Variants in SIGLEC1 observed in about 807,000 individuals in gnomAD.
The protein encoded by SIGLEC1 is sialoadhesin.
SIGLEC1 carries 132 observed loss-of-function variants against 148.0 expected under a neutral mutation model. The ratio of observed to expected loss-of-function variants is 0.89; its 90% CI spans 0.77 to 1.03. The LOEUF (loss-of-function observed/expected upper bound fraction) is 1.03. SIGLEC1 is among the 50% of genes least tolerant of loss of function. The pLI is 0.00. For synonymous variants in SIGLEC1, 945 were observed against 969.0 expected (o/e 0.98, Z 0.46); for missense variants, 2,253 against 2,271.4 (o/e 0.99, Z 0.16).
Position 3,710,989 on chromosome 20 carries a change from GC to G in SIGLEC1, c.-110+1480del, listed in dbSNP as rs1247545457. Among the ~76,000 whole-genome samples, 1 of 152,234 alleles carries G rather than the reference GC, an allele frequency of 6.6e-6. No individual in the cohort carries two copies. The highest frequency in any genetic ancestry group is 1.5e-5 in the Non-Finnish European group (1 of 68,044). ...AGGAGATCTCTGTCCCTGTTTGAAA[GC>G]CTGGAGTTGAGGGGACAGTGCCCCG... is the stretch of plus-strand genomic sequence containing the variant. On this transcript the variant is annotated intron_variant, in intron 1 of 21. Transcript: ENST00000344754. The surrounding 1 kb of genome is among the most constrained non-coding windows in gnomAD (Gnocchi z 4.6).
chr20:3,708,484 G>A (rs868560045), intron 1 of SIGLEC1, among the ~76,000 whole-genome samples: 1 of 152,170 alleles, frequency 6.6e-6, no homozygotes, highest in Non-Finnish European at 1.5e-5. Context: ...TTTAAAACTT[G>A]GCCAGACACA....
chr20:3,700,283 A>C (rs1378870667), intron 7 of SIGLEC1, among the ~76,000 whole-genome samples: 1 of 151,040 alleles, frequency 6.6e-6, no homozygotes, highest in Admixed American at 6.6e-5. Context: ...ACACCCGGCT[A>C]ATTTTTGTAT....
At position 3,703,212 on chromosome 20, in the gene SIGLEC1, T is replaced by C; in HGVS notation, c.1213A>G (p.Ser405Gly). The change falls in exon 6 of 22, where the codon AGC becomes GGC. Residue 405 changes from serine (S) to glycine (G), a missense_variant. Physicochemically the swap from Ser to Gly is moderately conservative, Grantham distance 56. Transcript: ENST00000344754. ...GGCCTCTTACGGTTGACTACCACGC[T>C]GACAGGGCCCGAGCGCTCGCTGCCA... ...VHGSERSGPV[S>G]VVVNHPPLTP... The C allele has an allele frequency of 6.2e-7, 1 of 1,614,008 alleles. No individual in the cohort carries two copies. The highest frequency in any genetic ancestry group is 8.5e-7 in the Non-Finnish European group (1 of 1,180,006).
intron 8 of SIGLEC1, among the ~76,000 whole-genome samples, chr20:3,698,469 G>A (rs1185519165): frequency 3.9e-5 from 6 of 152,212 alleles, no homozygotes; most frequent in Non-Finnish European, 8.8e-5. Flanking sequence ...AGCAATCCCT[G>A]GGGGTCATGC....
intron 9 of SIGLEC1, among the ~76,000 whole-genome samples, chr20:3,697,549 A>G (rs1229286017): frequency 6.6e-6 from 1 of 152,080 alleles, no homozygotes; most frequent in Non-Finnish European, 1.5e-5. Flanking sequence ...CAGTACAGGG[A>G]AGGAGGACAA....
rs1452520921 is a variant in SIGLEC1, at chr20:3,710,050, C to T, written c.-110+2420G>A. Among the ~76,000 whole-genome samples, 2 of 152,200 alleles carry T rather than the reference C, an allele frequency of 1.3e-5. No homozygotes were observed. Among genetic ancestry groups the T allele is most frequent in the Non-Finnish European group, 2.9e-5 (2 of 68,046 alleles). ...AAGACAGTTAAAACAGTAAATTTTA[C>T]ATTATGTATATTTCACCACATACAC... On this transcript the variant is annotated intron_variant, in intron 1 of 21. Transcript: ENST00000344754. The surrounding 1 kb of genome is among the most constrained non-coding windows in gnomAD (Gnocchi z 4.6).
intron 7 of SIGLEC1, 75 bp from the exon 8 acceptor site, chr20:3,699,534 AG>A (rs1368044360): frequency 3.1e-5 from 48 of 1,531,198 alleles, no homozygotes; most frequent in Non-Finnish European, 4.0e-5. Context: ...AAAGCCTTCC[AG>A]GGTTCTCCTT....
At chr20:3,698,927 A>G (rs1397275495) in intron 8 of SIGLEC1, among the ~76,000 whole-genome samples, 1 of 152,264 alleles carries the variant, frequency 6.6e-6, no homozygotes, top group Non-Finnish European at 1.5e-5. Context: ...CCATGAGGAC[A>G]AAGCATGGAT....
At position 3,697,269 on chromosome 20, in the gene SIGLEC1, G is replaced by C; in HGVS notation, c.2196C>G (p.Ser732Arg). The change falls in exon 10 of 22, where the codon AGC becomes AGG. Residue 732 changes from serine (S) to arginine (R), a missense_variant. By Grantham distance (110) the Ser-to-Arg change is moderately radical (BLOSUM62 -1). Coordinates refer to ENST00000344754, the MANE Select transcript of SIGLEC1 (RefSeq NM_023068.4). ...GTEANLTCNV[S>R]REAAGSPANF... The stretch of plus-strand genomic sequence containing the variant: ...TAGCAGGGCTGCCAGCAGCTTCCCG[G>C]CTCACGTTGCAAGTCAAGTTGGCTT... The C allele has an allele frequency of 6.2e-7, 1 of 1,613,992 alleles. No homozygotes were observed. Among genetic ancestry groups the C allele is most frequent in the Admixed American group, 1.7e-5 (1 of 60,022 alleles).
rs1043893034 is a variant in SIGLEC1, at chr20:3,688,358, G to T, written c.*202C>A. ...TCAGTGCTCTTCAGTGTCCTCCAGG[G>T]TCAACACCCTCCTGGGCAGACCTCT... On this transcript the variant is annotated 3_prime_UTR_variant, in exon 22 of 22. Transcript: ENST00000344754. 8 of 621,856 alleles carry T rather than the reference G, an allele frequency of 1.3e-5. No homozygotes were observed. The highest frequency in any genetic ancestry group is 4.4e-5 in the Admixed American group (2 of 44,960). The allele number at this position is 621,856 out of a possible 1,614,324, so 38.5% of individuals were successfully genotyped here. A position where few individuals can be genotyped will look rare whatever the true frequency, so the allele number is the denominator to read the frequency against.
rs755122044 is a variant in SIGLEC1, at chr20:3,689,225, C to T, written c.5000G>A (p.Arg1667Lys). 4 of 1,613,946 alleles carry T rather than the reference C, an allele frequency of 2.5e-6. No individual in the cohort carries two copies. The African/African-American group carries it at 5.3e-5, about 22-fold the overall frequency. ...CATGCTCTGCTTACAAACACGCCTCCTTCTGCAAGGCCCGGAGTGGACTCA... is the reference window on the plus strand; with the variant it reads ...CATGCTCTGCTTACAAACACGCCTCTTTCTGCAAGGCCCGGAGTGGACTCA... ...LGLGACYTWR[R>K]RRVCKQSMGE... is the part of the protein sequence containing the mutation. Residue 1667 changes from arginine (R) to lysine (K), a missense_variant and splice_region_variant, in exon 21 of 22, where the codon AGG (arginine) becomes AAG (lysine). Transcript: ENST00000344754.
chr20:3,701,179 GA>G (rs1555850014), intron 7 of SIGLEC1, among the ~76,000 whole-genome samples, 162 bp downstream of exon 7: 1 of 152,184 alleles, frequency 6.6e-6, no homozygotes, highest in Non-Finnish European at 1.5e-5. Context: ...TGACTTCCAG[GA>G]AGCTCTGCCG....
chr20:3,696,133 CACACACAA>C (rs1437935683), intron 11 of SIGLEC1, among the ~76,000 whole-genome samples: 2 of 77,226 alleles, frequency 2.6e-5, no homozygotes, highest in Admixed American at 1.4e-4. Context: ...TATATATACA[CACACACAA>C]ACACACACAC....
At chr20:3,711,052 C>T (rs2087925731) in intron 1 of SIGLEC1, among the ~76,000 whole-genome samples, 2 of 152,186 alleles carry the variant, frequency 1.3e-5, no homozygotes, top group Non-Finnish European at 2.9e-5. Context: ...CAGCTGTGGC[C>T]TAGTGAGCAC....
rs774431544 is a variant in SIGLEC1 at position 3,694,293 on chromosome 20, C to T, written c.3184G>A (p.Glu1062Lys). ...GAGGCCTCACAGATATAGACACCCT[C>T]ATCCTCCAGCATAGCCCCGTGGATC... ...LEIHGAMLED[E>K]GVYICEASNT... The change falls in exon 13 of 22, where the codon GAG (glutamate) becomes AAG (lysine). Residue 1062 changes from glutamate to lysine, a missense_variant. Coordinates refer to ENST00000344754, the MANE Select transcript of SIGLEC1 (RefSeq NM_023068.4). 5.0e-6 allele frequency: 8 copies of T among 1,612,978 alleles called. No homozygotes were observed. In the South Asian group the frequency reaches 5.5e-5, roughly 11 times the overall value.
intron 1 of SIGLEC1, among the ~76,000 whole-genome samples, chr20:3,711,075 G>C (rs1168400341): frequency 6.6e-6 from 1 of 152,210 alleles, no homozygotes. Flanking sequence ...AGCGCCCCCT[G>C]GTGGTCGAGG....
At chr20:3,696,029 C>T (rs2088817082) in intron 11 of SIGLEC1, among the ~76,000 whole-genome samples, 1 of 151,742 alleles carries the variant, frequency 6.6e-6, no homozygotes, top group Non-Finnish European at 1.5e-5. Flanking sequence ...AACTCCTGAC[C>T]TCAAGTGATC....
chr20:3,691,823 C>G (rs2088766844), intron 17 of SIGLEC1, 80 bp downstream of exon 17: 2 of 1,477,970 alleles, frequency 1.4e-6, no homozygotes, highest in Non-Finnish European at 1.8e-6. Flanking sequence ...ACAGCCCGCT[C>G]TAGTGGGAGC....
At chr20:3,711,643 G>C (rs556260376) in intron 1 of SIGLEC1, among the ~76,000 whole-genome samples, 6 of 152,310 alleles carry the variant, frequency 3.9e-5, no homozygotes, top group Non-Finnish European at 8.8e-5. Flanking sequence ...AGCAGATTAT[G>C]GTCAAAATAG....
Sources: allele counts gnomAD v4.1 joint callset (sites outside exome capture counted in the v4.1 genomes callset), GRCh38; gene constraint gnomAD v4.1.1; non-coding constraint Gnocchi (gnomAD v3.1); transcripts MANE v1.5; gene names NCBI Gene and HGNC (gene_info 2026-07-23, HGNC 2026-07-21).